Variants in DECR1 observed in about 807,000 individuals in gnomAD.
DECR1 encodes the protein 2,4-dienoyl-CoA reductase [(3E)-enoyl-CoA-producing], mitochondrial.
A neutral mutation model predicts 38.8 loss-of-function variants in DECR1; 44 were observed. That is an observed-to-expected ratio of 1.13 (90% CI 0.89 to 1.46). The LOEUF (loss-of-function observed/expected upper bound fraction) is 1.46. DECR1 is among the 40% of genes most tolerant of loss of function. DECR1 has a pLI of 0.00. For missense variants in DECR1, 428 were observed against 405.5 expected, an observed-to-expected ratio of 1.06 and a Z score of -0.48; for synonymous variants, 148 against 135.2, an observed-to-expected ratio of 1.09 and a Z score of -0.66.
chr8:90,013,612 G>T (rs1723337744), intron 1 of DECR1, among the ~76,000 whole-genome samples: 1 of 151,854 alleles, frequency 6.6e-6, no homozygotes, highest in Non-Finnish European at 1.5e-5. Context: ...TTAATCATGT[G>T]GTAAGGTGTA....
At chr8:90,025,498 T>G (rs1278789063) in intron 5 of DECR1, among the ~76,000 whole-genome samples, 1 of 152,188 alleles carries the variant, frequency 6.6e-6, no homozygotes, top group Non-Finnish European at 1.5e-5. Context: ...TGAATGGGAG[T>G]TCACTCATGA....
At position 90,053,355 on chromosome 8, in the gene DECR1, A is replaced by G. The variant is rs1814140888; in HGVS notation, c.*1458A>G. Among the ~76,000 whole-genome samples the G allele has an allele frequency of 1.3e-5, 2 of 152,208 alleles. No homozygotes were observed. Among genetic ancestry groups the G allele is most frequent in the African/African-American group, 2.4e-5 (1 of 41,448 alleles). ...CATGTCTTACGTGGTGGCACCCAAG[A>G]GAGCTTGTGCAGGGGAACTCCCATT... On this transcript the variant is annotated 3_prime_UTR_variant, in exon 10 of 10. Coordinates refer to ENST00000220764, the MANE Select transcript of DECR1 (RefSeq NM_001359.2).
At chr8:90,023,343 T>C (rs193288802) in intron 5 of DECR1, among the ~76,000 whole-genome samples, 95 of 152,338 alleles carry the variant, frequency 6.2e-4, no homozygotes, top group African/African-American at 1.8e-3. Context: ...TGTGTATTGA[T>C]GTATTCCCTA....
In DECR1 at chr8:90,052,542, A is replaced by C. The variant is rs534906619; in HGVS notation, c.*645A>C. Among the ~76,000 whole-genome samples, 1 of 152,292 alleles carries C rather than the reference A, an allele frequency of 6.6e-6. No homozygotes were observed. The highest frequency in any genetic ancestry group is 2.4e-5 in the African/African-American group (1 of 41,562). On this transcript the variant is annotated 3_prime_UTR_variant, in exon 10 of 10. Transcript: ENST00000220764. The stretch of plus-strand genomic sequence containing the variant: ...GATACATTGTGATAAGTATTATTCC[A>C]GCAGTATTTAAGTGTAGAGGAGGAA...
At chr8:90,051,357 C>T (rs1218993097) in intron 8 of DECR1, among the ~76,000 whole-genome samples, 1 of 151,718 alleles carries the variant, frequency 6.6e-6, no homozygotes, top group African/African-American at 2.4e-5. Flanking sequence ...TTGAGGATTA[C>T]AATTCAAGAT....
intron 1 of DECR1, among the ~76,000 whole-genome samples, chr8:90,002,496 AGAAG>A (rs200846204): frequency 0.013 from 2,016 of 152,298 alleles, 39 homozygotes; most frequent in African/African-American, 0.045. Context: ...AAAAACAAAA[AGAAG>A]CAATAATATC....
chr8:90,002,418 C>T (rs748996553), intron 1 of DECR1, among the ~76,000 whole-genome samples: 50 of 152,136 alleles, frequency 3.3e-4, no homozygotes, highest in Non-Finnish European at 1.9e-4. Flanking sequence ...ACTCCTGTCA[C>T]CATCTCCATT....
intron 6 of DECR1, among the ~76,000 whole-genome samples, chr8:90,040,416 G>T (rs557249427): frequency 3.9e-5 from 6 of 152,244 alleles, no homozygotes; most frequent in African/African-American, 1.4e-4. Context: ...TTACTGAATT[G>T]GCCTTTGAAA....
Position 90,001,558 on chromosome 8 carries a change from G to A in DECR1, c.66G>A (p.Arg22=). ...GGCTGCCCTGTGGCCTCGCTCCTCG[G>A]AGGGTAAGGCGGCCGGGGGCGCGGG... ...GSRLPCGLAP[R]RFFSYGTKIL... Residue 22 remains arginine (R), a synonymous_variant, in exon 1 of 10, where the codon CGG becomes CGA. Transcript: ENST00000220764. 6.2e-7 allele frequency: 1 copy of A among 1,612,810 alleles called. No individual in the cohort carries two copies. The highest frequency in any genetic ancestry group is 2.2e-5 in the East Asian group (1 of 44,846).
At chr8:90,037,123 G>A (rs1161954479) in intron 6 of DECR1, 183 bp downstream of exon 6, 2 of 528,030 alleles carry the variant, frequency 3.8e-6, no homozygotes, top group Admixed American at 6.8e-5. Context: ...CTGTCCTGTG[G>A]AACTTTCTGC....
chr8:90,051,898 G>A lies in DECR1; in HGVS notation c.*1G>A, dbSNP rs7162. On this transcript the variant is annotated 3_prime_UTR_variant, in exon 10 of 10. Transcript: ENST00000220764. ...CATCAGGAAGACAAAAGGTTCCTAA[G>A]ACCACTTTGGCCTTCATCTTGGTTA... is the stretch of plus-strand genomic sequence containing the variant. 0.033 allele frequency: 52,837 copies of A among 1,613,264 alleles called. 1,026 individuals carry two copies. The highest frequency in any genetic ancestry group is 0.04 in the Middle Eastern group (240 of 6,052).
Position 90,052,106 on chromosome 8 carries a change from G to A in DECR1, c.*209G>A, listed in dbSNP as rs1814114329. 4.2e-6 allele frequency: 2 copies of A among 481,052 alleles called. No homozygotes were observed. The highest frequency in any genetic ancestry group is 7.2e-6 in the Non-Finnish European group (2 of 278,116). 29.8% of individuals were successfully genotyped at this position (481,052 alleles called of 1,614,324 possible). ...CTTCAAAACATTAAAAAAAAAAAAA[G>A]GAGGCATGGGGAGAGTAGGTAAAGG... On this transcript the variant is annotated 3_prime_UTR_variant, in exon 10 of 10. Transcript: ENST00000220764.
Position 90,006,756 on chromosome 8 carries a change from T to C in DECR1, c.69+5195T>C, listed in dbSNP as rs57969368. Among the ~76,000 whole-genome samples the C allele has an allele frequency of 2.6e-3, 402 of 152,158 alleles. 2 individuals are homozygous for C. The highest frequency in any genetic ancestry group is 9.4e-3 in the African/African-American group (392 of 41,514). Reference sequence around the variant, plus strand: ...CGATATCATCAGGTAAGACTGGAAGTAGGGAGACCAAACATCCAAACACCA... The same window carrying C: ...CGATATCATCAGGTAAGACTGGAAGCAGGGAGACCAAACATCCAAACACCA... On this transcript the variant is annotated intron_variant, in intron 1 of 9. Coordinates refer to ENST00000220764, the MANE Select transcript of DECR1 (RefSeq NM_001359.2).
intron 8 of DECR1, among the ~76,000 whole-genome samples, chr8:90,048,647 A>T (rs1813980408): frequency 6.6e-6 from 1 of 152,212 alleles, no homozygotes; most frequent in Non-Finnish European, 1.5e-5. Context: ...AACTATTCCA[A>T]TCAATAGAAA....
intron 8 of DECR1, among the ~76,000 whole-genome samples, chr8:90,049,428 T>C: frequency 6.6e-6 from 1 of 152,162 alleles, no homozygotes; most frequent in East Asian, 1.9e-4. Flanking sequence ...CCATTCACAA[T>C]TGCTTCAAAG....
chr8:90,005,221 G>T, intron 1 of DECR1: 1 of 415,620 alleles, frequency 2.4e-6, no homozygotes, highest in Non-Finnish European at 4.8e-6. Context: ...AGATCAGTCA[G>T]GTTGCTGGGG....
intron 7 of DECR1, among the ~76,000 whole-genome samples, chr8:90,043,118 T>A (rs1188709437): frequency 6.6e-6 from 1 of 152,166 alleles, no homozygotes; most frequent in Non-Finnish European, 1.5e-5. Flanking sequence ...TTAACTTTCA[T>A]GACATTTTAA....
At chr8:90,045,801 C>T (rs1425186701) in intron 8 of DECR1, among the ~76,000 whole-genome samples, 1 of 152,160 alleles carries the variant, frequency 6.6e-6, no homozygotes, top group Non-Finnish European at 1.5e-5. Context: ...CCAACTGACA[C>T]CTCATACAGC....
In DECR1 at chr8:90,053,291, G is replaced by A. The variant is rs1291132495; in HGVS notation, c.*1394G>A. On this transcript the variant is annotated 3_prime_UTR_variant, in exon 10 of 10. Transcript: ENST00000220764. Reference sequence around the variant, plus strand: ...CTCATAGTTCAGCATGGCTAGGGAGGCCTCACAATCATGGCAGAAGGTGAG... The same window carrying A: ...CTCATAGTTCAGCATGGCTAGGGAGACCTCACAATCATGGCAGAAGGTGAG... 6.6e-6 allele frequency among the ~76,000 whole-genome samples: 1 copy of A among 152,186 alleles called. No individual in the cohort carries two copies. The highest frequency in any genetic ancestry group is 1.5e-5 in the Non-Finnish European group (1 of 68,028).
Sources: allele counts gnomAD v4.1 joint callset (sites outside exome capture counted in the v4.1 genomes callset), GRCh38; gene constraint gnomAD v4.1.1; transcripts MANE v1.5; gene names NCBI Gene and HGNC (gene_info 2026-07-23, HGNC 2026-07-21).